Variants in ZNF346 observed in about 807,000 individuals in gnomAD.
ZNF346 encodes the protein zinc finger protein 346, also known as double-stranded RNA-binding zinc finger protein JAZ.
Under a neutral mutation model 33.7 loss-of-function variants are expected in ZNF346, and 23 were observed. That is an observed-to-expected ratio of 0.68 (90% confidence interval 0.49 to 0.97). The LOEUF is 0.97. Ranked by LOEUF, ZNF346 falls within the 50% of genes least tolerant of loss-of-function variation. The pLI, the probability that ZNF346 is intolerant of heterozygous loss-of-function variation, is 0.00. For missense variants in ZNF346, 340 were observed against 371.1 expected (o/e 0.92, Z 0.69); for synonymous variants, 134 against 142.4 (o/e 0.94, Z 0.42).
At chr5:177,070,827 G>A (rs563215131), downstream of ZNF346, among the ~76,000 whole-genome samples, 14 of 151,734 alleles carry the variant, frequency 9.2e-5, no homozygotes, top group Non-Finnish European at 1.6e-4. Context: ...ATTCTTTACT[G>A]GGGCCCAGCG....
chr5:177,044,270 T>G (rs889956103), intron 3 of ZNF346, 119 bp from the exon 4 acceptor site: 3 of 1,080,088 alleles, frequency 2.8e-6, no homozygotes, highest in African/African-American at 3.4e-5. Flanking sequence ...GAAAGTAGGT[T>G]GGGGTTAATG....
intron 1 of ZNF346, among the ~76,000 whole-genome samples, chr5:177,039,692 G>C (rs1213138511): frequency 6.6e-6 from 1 of 152,100 alleles, no homozygotes; most frequent in African/African-American, 2.4e-5. Flanking sequence ...TGCCCAGGCT[G>C]GTCTCAAACT....
In ZNF346 at chr5:177,064,781, G is replaced by A; in HGVS notation, c.*182G>A. The A allele has an allele frequency of 3.3e-6, 2 of 605,058 alleles. No individual in the cohort carries two copies. The highest frequency in any genetic ancestry group is 5.9e-6 in the Non-Finnish European group (2 of 337,522). 37.5% of individuals were successfully genotyped at this position (605,058 alleles called of 1,614,324 possible). ...AATTCACTCCTGCTGCTCCCCTTTG[G>A]CAGGGGTCCTGTAGGTCATGACAGG... On this transcript the variant is annotated 3_prime_UTR_variant, in exon 7 of 7. Coordinates refer to ENST00000358149, the MANE Select transcript of ZNF346 (RefSeq NM_012279.4).
intron 8 of ZNF346, among the ~76,000 whole-genome samples, chr5:177,078,472 G>A (rs546613821): frequency 2.0e-4 from 30 of 152,312 alleles, no homozygotes; most frequent in Non-Finnish European, 3.1e-4. Flanking sequence ...CCAGTGGGTG[G>A]TGGGGGGAGA....
intron 6 of ZNF346, among the ~76,000 whole-genome samples, chr5:177,063,527 A>T (rs1322294585): frequency 1.3e-5 from 2 of 152,118 alleles, no homozygotes; most frequent in Non-Finnish European, 2.9e-5. Context: ...TTCAGCATAC[A>T]TACCTCCCTT....
chr5:177,057,185 G>A (rs528361225), intron 5 of ZNF346, among the ~76,000 whole-genome samples: 3 of 151,862 alleles, frequency 2.0e-5, no homozygotes, highest in East Asian at 1.9e-4. Flanking sequence ...GGTGGTGGGC[G>A]CCTGTAATCC....
At chr5:177,053,013 T>G (rs1271819776) in intron 5 of ZNF346, 1 of 147,856 alleles carries the variant, frequency 6.8e-6, no homozygotes, top group African/African-American at 2.5e-5. Context: ...GTTTTTACCT[T>G]TTTTTTTTTT....
intron 5 of ZNF346, among the ~76,000 whole-genome samples, chr5:177,061,625 A>G (rs944784516): frequency 1.3e-5 from 2 of 152,222 alleles, no homozygotes; most frequent in African/African-American, 2.4e-5. Context: ...GTAGAAAGAC[A>G]GATTGATTAT....
At chr5:177,041,032 A>G (rs900630608) in intron 1 of ZNF346, 94 bp from the exon 2 acceptor site, 160 of 942,520 alleles carry the variant, frequency 1.7e-4, no homozygotes, top group Admixed American at 9.2e-5. Context: ...ATGGCATCCC[A>G]TCATTCAGTG....
At chr5:177,038,879 TGTGTG>T (rs1778954080) in intron 1 of ZNF346, among the ~76,000 whole-genome samples, 1 of 11,310 alleles carries the variant, frequency 8.8e-5, no homozygotes, top group Non-Finnish European at 1.6e-3. Context: ...CTTCTTCTTG[TGTGTG>T]TGTGTGTGTG....
At chr5:177,036,935 T>C (rs932630912) in intron 1 of ZNF346, among the ~76,000 whole-genome samples, 1 of 151,720 alleles carries the variant, frequency 6.6e-6, no homozygotes, top group Non-Finnish European at 1.5e-5. Flanking sequence ...AACCCTGAGG[T>C]TTTGTTTGTT....
At chr5:177,060,065 G>A (rs1782278040) in intron 5 of ZNF346, among the ~76,000 whole-genome samples, 2 of 152,316 alleles carry the variant, frequency 1.3e-5, no homozygotes, top group South Asian at 4.1e-4. Context: ...TGGCTTTGTG[G>A]GTCATGTTAG....
At chr5:177,039,336 TA>T (rs1237222961) in intron 1 of ZNF346, among the ~76,000 whole-genome samples, 3 of 152,142 alleles carry the variant, frequency 2.0e-5, no homozygotes, top group African/African-American at 7.2e-5. Flanking sequence ...AAGAGATCAT[TA>T]GGGGCAGAAA....
chr5:177,051,367 G>C (rs368478902), intron 5 of ZNF346, among the ~76,000 whole-genome samples: 15 of 151,392 alleles, frequency 9.9e-5, no homozygotes, highest in African/African-American at 3.6e-4. Context: ...AGTAGAGACG[G>C]GGTTTCACCA....
At chr5:177,071,220 C>T (rs980529097), downstream of ZNF346, among the ~76,000 whole-genome samples, 3 of 152,070 alleles carry the variant, frequency 2.0e-5, no homozygotes, top group African/African-American at 7.2e-5. Flanking sequence ...GAAGAAGTAG[C>T]AATGAACAGG....
rs1413874866 is a variant in ZNF346 at position 177,064,707 on chromosome 5, G to A, written c.*108G>A. ...CGTTGTTCTCACCAGGAAAGTACAC[G>A]GGCCTGAGGCAGGATTGGGCCACAG... On this transcript the variant is annotated 3_prime_UTR_variant, in exon 7 of 7. Transcript: ENST00000358149. 1.9e-5 allele frequency: 17 copies of A among 871,910 alleles called. No homozygotes were observed. The highest frequency in any genetic ancestry group is 3.3e-5 in the African/African-American group (2 of 61,166). 54.0% of individuals were successfully genotyped at this position (871,910 alleles called of 1,614,324 possible).
intron 8 of ZNF346, among the ~76,000 whole-genome samples, chr5:177,074,075 G>A (rs543599656): frequency 6.6e-6 from 1 of 152,268 alleles, no homozygotes; most frequent in Admixed American, 6.5e-5. Context: ...CTCTAGCATA[G>A]CCAATCCACA....
downstream of ZNF346, among the ~76,000 whole-genome samples, chr5:177,071,564 T>C (rs1225947014): frequency 1.3e-5 from 2 of 149,760 alleles, no homozygotes; most frequent in African/African-American, 2.5e-5. Context: ...CGGGTGCCTG[T>C]AGTCCCAGCT....
intron 5 of ZNF346, 152 bp downstream of exon 5, chr5:177,051,088 A>G: frequency 1.6e-6 from 1 of 616,994 alleles, no homozygotes; most frequent in Non-Finnish European, 2.9e-6. Flanking sequence ...AATTAAAATG[A>G]GAGCCAGGAA....
Sources: gnomAD v4.1 joint callset for allele counts (sites outside exome capture counted in the v4.1 genomes callset) on GRCh38, gnomAD v4.1.1 for gene constraint, MANE v1.5 for transcripts, NCBI Gene and HGNC (gene_info 2026-07-23, HGNC 2026-07-21) for gene names.